OSBP2: variants seen among roughly 807,000 people sequenced by gnomAD.
OSBP2 encodes the protein oxysterol-binding protein 2.
Under a neutral mutation model 96.0 loss-of-function variants are expected in OSBP2, and 66 were observed. The ratio of observed to expected loss-of-function variants is 0.69; its 90% CI spans 0.56 to 0.84. OSBP2 has a LOEUF of 0.84. Among genes scored for constraint, OSBP2 ranks in the 40% least tolerant of loss-of-function variants. OSBP2 has a pLI of 0.00. For synonymous variants in OSBP2, 525 were observed against 520.9 expected (o/e 1.01, Z -0.11); for missense variants, 1,038 against 1,222.7 (o/e 0.85, Z 2.25).
chr22:30,830,168 G>A (rs2038491685), intron 2 of OSBP2, among the ~76,000 whole-genome samples: 1 of 152,256 alleles, frequency 6.6e-6, no homozygotes, highest in African/African-American at 2.4e-5. Flanking sequence ...GCTCAAACCA[G>A]CAGCAGCATC....
chr22:30,837,019 G>A (rs1049242805), intron 2 of OSBP2, among the ~76,000 whole-genome samples: 2 of 152,150 alleles, frequency 1.3e-5, no homozygotes, highest in African/African-American at 4.8e-5. Flanking sequence ...GGGAGGCCAA[G>A]GCAGGCACAT....
intron 2 of OSBP2, among the ~76,000 whole-genome samples, chr22:30,750,045 G>A (rs2090054507): frequency 6.6e-6 from 1 of 152,206 alleles, no homozygotes; most frequent in Admixed American, 6.5e-5. Context: ...CCAGAGGGCT[G>A]GGCCTGACGG....
chr22:30,843,450 C>A (rs967876773), intron 2 of OSBP2, among the ~76,000 whole-genome samples: 5 of 133,172 alleles, frequency 3.8e-5, no homozygotes, highest in African/African-American at 9.0e-5. Context: ...TCTTTCCCCC[C>A]TCCCCCTTGA....
At chr22:30,737,823 C>CT (rs1347680217) in intron 1 of OSBP2, among the ~76,000 whole-genome samples, 57 of 152,168 alleles carry the variant, frequency 3.7e-4, no homozygotes, top group African/African-American at 1.3e-3. Context: ...AGCGATTGTC[C>CT]TGCCTCAGCC....
At chr22:30,744,999 G>A (rs1010574820) in intron 2 of OSBP2, among the ~76,000 whole-genome samples, 3 of 152,160 alleles carry the variant, frequency 2.0e-5, no homozygotes, top group Admixed American at 6.6e-5. Flanking sequence ...TGGAATGAAG[G>A]TAGGAATCAA....
intron 2 of OSBP2, among the ~76,000 whole-genome samples, chr22:30,814,434 G>GTT (rs11453458): frequency 0.013 from 1,784 of 140,498 alleles, 18 homozygotes; most frequent in Non-Finnish European, 0.019. Context: ...ATCTCGTTGG[G>GTT]TTTTTTTTTT....
Position 30,695,299 on chromosome 22 carries a change from G to T in OSBP2, c.390G>T (p.Ala130=), listed in dbSNP as rs2089007292. ...TKAASEPLSR[A]VGSATFLRPE... Reference sequence around the variant, plus strand: ...CCGCATCGGAGCCGCTCTCCCGGGCGGTGGGGAGCGCGACCTTTCTCAGAC... The same window carrying T: ...CCGCATCGGAGCCGCTCTCCCGGGCTGTGGGGAGCGCGACCTTTCTCAGAC... The change falls in exon 1 of 14, where the codon GCG becomes GCT. Residue 130 remains alanine (A), a synonymous_variant. Transcript: ENST00000332585. 4 of 1,613,452 alleles carry T rather than the reference G, an allele frequency of 2.5e-6. No homozygotes were observed. The highest frequency in any genetic ancestry group is 4.5e-5 in the East Asian group (2 of 44,876).
intron 1 of OSBP2, among the ~76,000 whole-genome samples, chr22:30,701,261 C>G (rs1188308755): frequency 6.6e-6 from 1 of 152,074 alleles, no homozygotes; most frequent in East Asian, 1.9e-4. Flanking sequence ...TTCTCAAAAG[C>G]CAACTGCTGT....
intron 1 of OSBP2, among the ~76,000 whole-genome samples, chr22:30,735,326 T>C (rs1035020366): frequency 2.6e-5 from 4 of 152,292 alleles, no homozygotes; most frequent in Non-Finnish European, 4.4e-5. Context: ...ATGTTACTTA[T>C]TCATATCTAC....
At position 30,740,730 on chromosome 22, in the gene OSBP2, G is replaced by A. The variant is rs146607288; in HGVS notation, c.645-431G>A. Among the ~76,000 whole-genome samples, 577 of 152,144 alleles carry A rather than the reference G, an allele frequency of 3.8e-3. 1 individual carries two copies. Among genetic ancestry groups the A allele is most frequent in the Middle Eastern group, 6.8e-3 (2 of 294 alleles). On this transcript the variant is annotated intron_variant, in intron 1 of 13. Coordinates refer to ENST00000332585, the MANE Select transcript of OSBP2 (RefSeq NM_030758.4). The stretch of plus-strand genomic sequence containing the variant: ...GACCTCAAGTGATCTGCCCTCCTCG[G>A]TCTCCCAAAGTGCTGAGATTACAGG...
intron 2 of OSBP2, among the ~76,000 whole-genome samples, chr22:30,806,329 C>A (rs1360423694): frequency 6.6e-6 from 1 of 152,152 alleles, no homozygotes; most frequent in Non-Finnish European, 1.5e-5. Flanking sequence ...TGAGAGCGCC[C>A]CATCGCTTAG....
rs9619136 is a variant in OSBP2 at position 30,753,525 on chromosome 22, C to T, written c.853+12156C>T. On this transcript the variant is annotated intron_variant, in intron 2 of 13. Transcript: ENST00000332585. The stretch of plus-strand genomic sequence containing the variant: ...CTTCCCTTGAAGCTGAGGGTATTGG[C>T]CTGGGCAAGATCTGGGACTAGGACC... 6.5e-3 allele frequency among the ~76,000 whole-genome samples: 994 copies of T among 152,148 alleles called. 11 individuals carry two copies. The highest frequency in any genetic ancestry group is 0.022 in the African/African-American group (908 of 41,534).
Position 30,881,619 on chromosome 22 carries a change from G to A in OSBP2, c.1108-5807G>A. 3.1e-6 allele frequency: 4 copies of A among 1,288,788 alleles called. No individual in the cohort carries two copies. The highest frequency in any genetic ancestry group is 4.1e-6 in the Non-Finnish European group (4 of 977,554). 79.8% of individuals were successfully genotyped at this position (1,288,788 alleles called of 1,614,324 possible). The stretch of plus-strand genomic sequence containing the variant: ...GGCCCCTGGGAACCTCCCCCTGCCA[G>A]TCCCTCTGCCGGGCCCCAAGCCTAA... On this transcript the variant is annotated intron_variant, in intron 3 of 13. Coordinates refer to ENST00000332585, the MANE Select transcript of OSBP2 (RefSeq NM_030758.4). This position sits in a 1 kb window ranked among gnomAD's most constrained non-coding sequence, Gnocchi z 4.5.
At chr22:30,697,581 C>T (rs2089069305) in intron 1 of OSBP2, among the ~76,000 whole-genome samples, 1 of 152,220 alleles carries the variant, frequency 6.6e-6, no homozygotes, top group Non-Finnish European at 1.5e-5. Context: ...GTTGACATTT[C>T]AGAGTGATCT....
chr22:30,758,416 T>C (rs1193352828), intron 2 of OSBP2, among the ~76,000 whole-genome samples: 1 of 151,720 alleles, frequency 6.6e-6, no homozygotes, highest in African/African-American at 2.4e-5. Flanking sequence ...TAAAATAAAA[T>C]AAAATGTGGA....
At position 30,826,799 on chromosome 22, in the gene OSBP2, GCCTCAGCTT is replaced by G. The variant is rs199765422; in HGVS notation, c.854-43626_854-43618del. Among the ~76,000 whole-genome samples, 42 of 152,334 alleles carry G rather than the reference GCCTCAGCTT, an allele frequency of 2.8e-4. 1 individual carries two copies. In the East Asian group the frequency reaches 7.1e-3, roughly 26 times the overall value. ...GGTGGTGTTTTCTCTCTGGTTGGGG[GCCTCAGCTT>G]CCTGTTCTTCCTCTGGGGCATTCCC... On this transcript the variant is annotated intron_variant, in intron 2 of 13. Transcript: ENST00000332585.
rs34541516 is a variant in OSBP2, at chr22:30,737,315, C to CTT, written c.645-3822_645-3821dup. On this transcript the variant is annotated intron_variant, in intron 1 of 13. Transcript: ENST00000332585. ...ACAGGCGTGAGCCACTGCGCCCGGC[C>CTT]TTTTTTTTTTTTTTTTTTTTTTTTT... is the stretch of plus-strand genomic sequence containing the variant. 2.5e-3 allele frequency among the ~76,000 whole-genome samples: 278 copies of CTT among 110,382 alleles called. 4 individuals carry two copies. The highest frequency in any genetic ancestry group is 6.9e-3 in the African/African-American group (184 of 26,718). The allele number at this position is 110,382 out of a possible 152,430, so 72.4% of individuals were successfully genotyped here. A position where few individuals can be genotyped will look rare whatever the true frequency, so the allele number is the denominator to read the frequency against.
chr22:30,883,874 G>A (rs542655682), intron 3 of OSBP2, among the ~76,000 whole-genome samples: 1 of 152,312 alleles, frequency 6.6e-6, no homozygotes, highest in African/African-American at 2.4e-5. Flanking sequence ...TTGTCTCTGA[G>A]TCTGTTTTCA....
rs1399344187 is a variant in OSBP2 at position 30,906,038 on chromosome 22, C to A, written c.2577C>A (p.Cys859Ter). The A allele has an allele frequency of 6.7e-7, 1 of 1,492,124 alleles. No homozygotes were observed. Among genetic ancestry groups the A allele is most frequent in the Non-Finnish European group, 9.0e-7 (1 of 1,112,420 alleles). The allele number at this position is 1,492,124 out of a possible 1,614,324, so 92.4% of individuals were successfully genotyped here. A position where few individuals can be genotyped will look rare whatever the true frequency, so the allele number is the denominator to read the frequency against. Residue 859 changes from cysteine to a stop codon, truncating the protein, a stop_gained, in exon 13 of 14, where the codon TGC (cysteine) becomes TGA (stop). Coordinates refer to ENST00000332585, the MANE Select transcript of OSBP2 (RefSeq NM_030758.4). LOFTEE classifies it high-confidence loss of function. ...RLSRRRRLEA[C>*]GPGSSCSSEE... is the part of the protein sequence containing the mutation. ...CGCGGCGCCGGCGGCTGGAGGCCTG[C>A]GGGCCGGGCAGCAGCTGCAGCTCGG...
Sources: gnomAD v4.1 joint callset for allele counts (sites outside exome capture counted in the v4.1 genomes callset) on GRCh38, gnomAD v4.1.1 for gene constraint, Gnocchi (gnomAD v3.1) non-coding constraint, MANE v1.5 for transcripts, NCBI Gene and HGNC (gene_info 2026-07-23, HGNC 2026-07-21) for gene names.